Variants in CDYL observed in about 807,000 individuals in gnomAD.
The protein encoded by CDYL is chromodomain Y like.
Under a neutral mutation model 47.3 loss-of-function variants are expected in CDYL, and 8 were observed. The observed-to-expected ratio is 0.17, with a 90% CI of 0.10 to 0.31. The LOEUF (loss-of-function observed/expected upper bound fraction) is 0.31. Ranked by LOEUF, CDYL falls within the 10% of genes least tolerant of loss-of-function variation. The pLI is 1.00. For synonymous variants in CDYL, 266 were observed against 265.0 expected (o/e 1.00, Z -0.04); for missense variants, 471 against 701.4 (o/e 0.67, Z 3.71).
chr6:4,748,628 A>G (rs1444739786), intron 3 of CDYL, among the ~76,000 whole-genome samples: 2 of 147,548 alleles, frequency 1.4e-5, no homozygotes, highest in Non-Finnish European at 3.0e-5. Flanking sequence ...GAAGACATAC[A>G]TGGTTGGATG....
intron 2 of CDYL, among the ~76,000 whole-genome samples, chr6:4,934,335 TATA>T (rs964085873): frequency 6.6e-6 from 1 of 152,144 alleles, no homozygotes; most frequent in Admixed American, 6.5e-5. Context: ...TTTTCAAAAA[TATA>T]ATTAAAAAAA....
chr6:4,926,391 CTTT>C (rs1757874895), intron 2 of CDYL, among the ~76,000 whole-genome samples: 1 of 152,178 alleles, frequency 6.6e-6, no homozygotes, highest in Non-Finnish European at 1.5e-5. Flanking sequence ...ATAGTCCTTG[CTTT>C]TTAACTTCAG....
At chr6:4,804,473 G>C (rs7769479) in intron 1 of CDYL, among the ~76,000 whole-genome samples, 1 of 152,132 alleles carries the variant, frequency 6.6e-6, no homozygotes, top group African/African-American at 2.4e-5. Context: ...TTTGTCTTAC[G>C]ACCGCATCTC....
intron 1 of CDYL, among the ~76,000 whole-genome samples, chr6:4,793,713 G>A (rs530997345): frequency 6.6e-6 from 1 of 152,178 alleles, no homozygotes; most frequent in Non-Finnish European, 1.5e-5. Context: ...TGAAACCCAG[G>A]TGGTGACATT....
At chr6:4,747,846 C>T (rs1032162621) in intron 3 of CDYL, among the ~76,000 whole-genome samples, 7 of 152,216 alleles carry the variant, frequency 4.6e-5, no homozygotes, top group African/African-American at 7.2e-5. Flanking sequence ...ACCATGTTCC[C>T]ATGGCAGTAT....
chr6:4,760,769 T>G (rs1758162967), intron 3 of CDYL, among the ~76,000 whole-genome samples: 1 of 151,990 alleles, frequency 6.6e-6, no homozygotes, highest in African/African-American at 2.4e-5. Context: ...AAATCTGGGC[T>G]TAATATAGAT....
At position 4,763,712 on chromosome 6, in the gene CDYL, A is replaced by G. The variant is rs544517446; in HGVS notation, c.186+28868A>G. Among the ~76,000 whole-genome samples, 21 of 152,276 alleles carry G rather than the reference A, an allele frequency of 1.4e-4. No homozygotes were observed. In the East Asian group the frequency reaches 3.9e-3, roughly 28 times the overall value. On this transcript the variant is annotated intron_variant, in intron 3 of 8. Coordinates refer to the CDYL transcript ENST00000328908. Reference sequence around the variant, plus strand: ...AGTCCCAGCACTTTGGGAGGCCAACATGGGCGGATCACTTGAGATCAGGAA... The same window carrying G: ...AGTCCCAGCACTTTGGGAGGCCAACGTGGGCGGATCACTTGAGATCAGGAA...
At chr6:4,771,096 AG>A (rs1035182290) in intron 3 of CDYL, among the ~76,000 whole-genome samples, 2 of 151,930 alleles carry the variant, frequency 1.3e-5, no homozygotes, top group African/African-American at 4.8e-5. Flanking sequence ...AGTAGGTGAG[AG>A]GGTAAGAGAA....
At chr6:4,903,518 C>T (rs1249284685) in intron 2 of CDYL, among the ~76,000 whole-genome samples, 1 of 152,158 alleles carries the variant, frequency 6.6e-6, no homozygotes. Flanking sequence ...TTAAAGGGTT[C>T]ATTGAACTTC....
chr6:4,855,078 G>T (rs1760966646), intron 1 of CDYL, among the ~76,000 whole-genome samples: 1 of 152,118 alleles, frequency 6.6e-6, no homozygotes, highest in Admixed American at 6.5e-5. Flanking sequence ...TAAAATGAGA[G>T]AAATAATTAT....
chr6:4,814,693 T>A (rs7743735), intron 1 of CDYL, among the ~76,000 whole-genome samples: 8,936 of 152,156 alleles, frequency 0.059, 585 homozygotes, highest in African/African-American at 0.16. Flanking sequence ...TGGCTAATTT[T>A]TGTATTTTTA....
chr6:4,925,808 T>G (rs1353102053), intron 2 of CDYL, among the ~76,000 whole-genome samples: 3 of 152,138 alleles, frequency 2.0e-5, no homozygotes, highest in African/African-American at 7.2e-5. Context: ...ATATCCTTGC[T>G]TTTGTTCACT....
intron 3 of CDYL, among the ~76,000 whole-genome samples, chr6:4,936,025 CA>C (rs2127520061): frequency 6.6e-6 from 1 of 152,350 alleles, no homozygotes; most frequent in African/African-American, 2.4e-5. Context: ...TGGGTCCACC[CA>C]GGCCTCTGTG....
At chr6:4,911,693 T>C (rs1045774835) in intron 2 of CDYL, among the ~76,000 whole-genome samples, 9 of 152,210 alleles carry the variant, frequency 5.9e-5, no homozygotes, top group Admixed American at 1.3e-4. Flanking sequence ...AAAGAATCTA[T>C]AATTTTCAAA....
upstream of CDYL, chr6:4,773,147 T>A: frequency 2.2e-6 from 1 of 457,414 alleles, no homozygotes; most frequent in Non-Finnish European, 4.4e-6. The surrounding 1 kb of genome is among the most constrained non-coding windows in gnomAD (Gnocchi z 4.6). Flanking sequence ...AGAATTGAAT[T>A]ATGTTGGCCT....
chr6:4,767,437 G>T (rs1288490013), intron 3 of CDYL, among the ~76,000 whole-genome samples: 5 of 152,126 alleles, frequency 3.3e-5, no homozygotes, highest in Non-Finnish European at 5.9e-5. Flanking sequence ...CCCAGGCGTG[G>T]TGGCGTGCGC....
chr6:4,820,111 G>C lies in CDYL; in HGVS notation c.24+43304G>C, dbSNP rs148107316. On this transcript the variant is annotated intron_variant, in intron 1 of 6. Coordinates refer to ENST00000397588, the MANE Select transcript of CDYL (RefSeq NM_004824.4). ...GTTCTCTGTGGTGATTCATCCTATG[G>C]CCACACAGATGCACAGAGAGCTCTT... Among the ~76,000 whole-genome samples the C allele has an allele frequency of 7.1e-3, 1,079 of 152,236 alleles. 13 individuals carry two copies. The highest frequency in any genetic ancestry group is 0.025 in the African/African-American group (1,044 of 41,522).
intron 1 of CDYL, among the ~76,000 whole-genome samples, chr6:4,781,383 C>T (rs990759113): frequency 6.6e-6 from 1 of 152,010 alleles, no homozygotes; most frequent in Non-Finnish European, 1.5e-5. Context: ...GCTAGGTCAG[C>T]GTATGTTGTA....
intron 1 of CDYL, among the ~76,000 whole-genome samples, chr6:4,709,214 G>A (rs959533436): frequency 6.6e-6 from 1 of 151,670 alleles, no homozygotes; most frequent in East Asian, 2.0e-4. Context: ...TTGCTTGTTT[G>A]AGACAGGGTC....
Sources: gnomAD v4.1 joint callset for allele counts (sites outside exome capture counted in the v4.1 genomes callset) on GRCh38, gnomAD v4.1.1 for gene constraint, Gnocchi (gnomAD v3.1) non-coding constraint, MANE v1.5 for transcripts, NCBI Gene and HGNC (gene_info 2026-07-23, HGNC 2026-07-21) for gene names.